Variants in KDM4B observed in about 807,000 individuals in gnomAD.
KDM4B encodes lysine-specific demethylase 4B.
KDM4B carries 32 observed loss-of-function variants against 125.2 expected under a neutral mutation model. The ratio of observed to expected loss-of-function variants is 0.26; its 90% CI spans 0.19 to 0.34. KDM4B has a LOEUF of 0.34. Among genes scored for constraint, KDM4B ranks in the 10% least tolerant of loss-of-function variants. KDM4B has a pLI of 1.00. For missense variants in KDM4B, 1,190 were observed against 1,577.7 expected, an observed-to-expected ratio of 0.75 and a Z score of 4.16; for synonymous variants, 721 against 677.9, an observed-to-expected ratio of 1.06 and a Z score of -0.99.
intron 7 of KDM4B, chr19:5,074,470 G>A (rs1399143956): frequency 6.6e-6 from 1 of 152,278 alleles, no homozygotes; most frequent in Non-Finnish European, 1.5e-5. Context: ...TGGAGCCTAT[G>A]GAGAGAGCAT....
chr19:5,060,706 G>A (rs2037567000), intron 6 of KDM4B, among the ~76,000 whole-genome samples: 2 of 152,178 alleles, frequency 1.3e-5, no homozygotes, highest in South Asian at 4.1e-4. Flanking sequence ...GCACGTGAGG[G>A]AGGTTGCTGT....
chr19:5,099,371 G>A (rs1346560696), intron 9 of KDM4B, among the ~76,000 whole-genome samples: 2 of 152,144 alleles, frequency 1.3e-5, no homozygotes, highest in African/African-American at 4.8e-5. Context: ...CCAGACCCAG[G>A]GCTTATATAC....
rs1171929900 is a variant in KDM4B, at chr19:5,082,634, G to T, written c.918+130G>T. 9 of 1,023,572 alleles carry T rather than the reference G, an allele frequency of 8.8e-6. No homozygotes were observed. Among genetic ancestry groups the T allele is most frequent in the Non-Finnish European group, 1.2e-5 (9 of 727,276 alleles). The allele number at this position is 1,023,572 out of a possible 1,614,324, so 63.4% of individuals were successfully genotyped here. A position where few individuals can be genotyped will look rare whatever the true frequency, so the allele number is the denominator to read the frequency against. ...GCCCAGGGCCTGGGCTCTCAACCAG[G>T]GTCTGATTCTGGGCTCCTCAGAGAG... is the stretch of plus-strand genomic sequence containing the variant. On this transcript the variant is annotated intron_variant, in intron 9 of 22. Coordinates refer to ENST00000159111, the MANE Select transcript of KDM4B (RefSeq NM_015015.3). This position sits in a 1 kb window ranked among gnomAD's most constrained non-coding sequence, Gnocchi z 5.4.
intron 21 of KDM4B, among the ~76,000 whole-genome samples, chr19:5,146,751 A>AC (rs775578381): frequency 0.037 from 1,190 of 31,906 alleles, 32 homozygotes; most frequent in East Asian, 0.048. Context: ...ACAAAGTGAG[A>AC]CCCCCCCCCC....
chr19:5,111,302 G>T, intron 10 of KDM4B: 1 of 719,060 alleles, frequency 1.4e-6, no homozygotes, highest in Non-Finnish European at 2.6e-6. Flanking sequence ...GGGCTGCTTG[G>T]ATTTGAGATC....
chr19:5,120,639 G>T (rs1270907312), intron 11 of KDM4B, among the ~76,000 whole-genome samples: 1 of 152,248 alleles, frequency 6.6e-6, no homozygotes, highest in Non-Finnish European at 1.5e-5. Context: ...GTGTGTAAAG[G>T]TTCCTATTCC....
intron 6 of KDM4B, among the ~76,000 whole-genome samples, chr19:5,064,156 G>A (rs1276429735): frequency 4.6e-5 from 7 of 152,172 alleles, no homozygotes; most frequent in African/African-American, 1.2e-4. Context: ...TTGGGGTCCC[G>A]GGGGCGCCAC....
At chr19:5,113,909 T>C in intron 10 of KDM4B, 25 of 1,207,500 alleles carry the variant, frequency 2.1e-5, no homozygotes, top group Non-Finnish European at 2.6e-5. Flanking sequence ...GTGCGGATGG[T>C]TCGGCACAGC....
At chr19:5,089,917 ATCCCAGCATT>A (rs574095049) in intron 9 of KDM4B, among the ~76,000 whole-genome samples, 3 of 152,276 alleles carry the variant, frequency 2.0e-5, no homozygotes, top group Non-Finnish European at 4.4e-5. Context: ...CATGCCTCTA[ATCCCAGCATT>A]TAGGGAGGCC....
chr19:5,075,365 C>G (rs937913676), intron 7 of KDM4B: 3 of 152,328 alleles, frequency 2.0e-5, no homozygotes, highest in African/African-American at 4.8e-5. Flanking sequence ...CAGCTGCTGC[C>G]GGGAAGCCGG....
At chr19:5,007,689 G>A (rs2035605969) in intron 1 of KDM4B, among the ~76,000 whole-genome samples, 1 of 151,878 alleles carries the variant, frequency 6.6e-6, no homozygotes, top group Non-Finnish European at 1.5e-5. Flanking sequence ...GGGACTGCAG[G>A]TGTGCACCAC....
At chr19:5,094,744 C>T (rs916188543) in intron 9 of KDM4B, among the ~76,000 whole-genome samples, 1 of 152,172 alleles carries the variant, frequency 6.6e-6, no homozygotes, top group African/African-American at 2.4e-5. Flanking sequence ...TGCGTCAGAG[C>T]CTGCCTTCCA....
intron 6 of KDM4B, among the ~76,000 whole-genome samples, chr19:5,061,389 A>G (rs2037592820): frequency 6.6e-6 from 1 of 152,218 alleles, no homozygotes; most frequent in African/African-American, 2.4e-5. Context: ...AAAACGATCC[A>G]TTAAAGATAA....
In KDM4B at chr19:5,115,837, C is replaced by T. The variant is rs2039243879; in HGVS notation, c.1116-3816C>T. Among the ~76,000 whole-genome samples the T allele has an allele frequency of 6.6e-6, 1 of 152,294 alleles. No individual in the cohort carries two copies. Among genetic ancestry groups the T allele is most frequent in the South Asian group, 2.1e-4 (1 of 4,824 alleles). ...TTGGGAGGCCCTTGAAGAATCCCCT[C>T]CCACAGCACTGACAGACAGAGCTGG... On this transcript the variant is annotated intron_variant, in intron 10 of 22. Coordinates refer to ENST00000159111, the MANE Select transcript of KDM4B (RefSeq NM_015015.3). This position sits in a 1 kb window ranked among gnomAD's most constrained non-coding sequence, Gnocchi z 4.2.
At chr19:4,970,449 C>G (rs985318966) in intron 1 of KDM4B, among the ~76,000 whole-genome samples, 1 of 152,008 alleles carries the variant, frequency 6.6e-6, no homozygotes. Context: ...CTTTGGGTCC[C>G]ACCGGGTGCC....
chr19:5,085,837 T>C (rs985952873), intron 9 of KDM4B, among the ~76,000 whole-genome samples: 3 of 152,224 alleles, frequency 2.0e-5, no homozygotes, highest in African/African-American at 7.2e-5. Context: ...CCCCTGACTC[T>C]GGCAGGGTTT....
chr19:5,037,340 A>G (rs263057), intron 3 of KDM4B, among the ~76,000 whole-genome samples: 126,267 of 152,114 alleles, frequency 0.83, 53,049 homozygotes, highest in Non-Finnish European at 0.91. Flanking sequence ...CTGTAGTAAC[A>G]TCTCGTGTCT....
intron 7 of KDM4B, among the ~76,000 whole-genome samples, chr19:5,071,390 C>T (rs1254981583): frequency 3.3e-5 from 5 of 152,238 alleles, no homozygotes; most frequent in Admixed American, 3.3e-4. Context: ...GTTCATTTTC[C>T]TCCCATCACC....
intron 9 of KDM4B, among the ~76,000 whole-genome samples, chr19:5,100,535 C>T (rs979166156): frequency 1.3e-5 from 2 of 152,174 alleles, no homozygotes; most frequent in African/African-American, 4.8e-5. Flanking sequence ...TCAAGTGATC[C>T]TCCTGCCTCA....
Sources: gnomAD v4.1 joint callset for allele counts (sites outside exome capture counted in the v4.1 genomes callset) on GRCh38, gnomAD v4.1.1 for gene constraint, Gnocchi (gnomAD v3.1) non-coding constraint, MANE v1.5 for transcripts, NCBI Gene and HGNC (gene_info 2026-07-23, HGNC 2026-07-21) for gene names.